Variants in LRP1B observed in about 807,000 individuals in gnomAD.
The protein encoded by LRP1B is LDL receptor related protein 1B.
Under a neutral mutation model 556.6 loss-of-function variants are expected in LRP1B, and 217 were observed. That is an observed-to-expected ratio of 0.39 (90% CI 0.35 to 0.44). The LOEUF is 0.44. Among genes scored for constraint, LRP1B ranks in the 20% least tolerant of loss-of-function variants. LRP1B has a pLI of 1.00. For synonymous variants in LRP1B, 2,047 were observed against 1,865.8 expected (o/e 1.10, Z -2.50); for missense variants, 5,053 against 5,620.8 (o/e 0.90, Z 3.23).
Position 140,238,103 on chromosome 2 carries a change from C to T in LRP1B, c.13560+49G>A, listed in dbSNP as rs753096780. 66 of 1,487,254 alleles carry T rather than the reference C, an allele frequency of 4.4e-5. 1 individual carries two copies. Among genetic ancestry groups the T allele is most frequent in the Middle Eastern group, 3.6e-4 (2 of 5,546 alleles). The allele number at this position is 1,487,254 out of a possible 1,614,324, so 92.1% of individuals were successfully genotyped here. On this transcript the variant is annotated intron_variant, in intron 89 of 90. Transcript: ENST00000389484. ...AATTCAGAACCATAAAACAGAGATG[C>T]GACTCAAGAATGTTAGTGCTCACTG...
intron 27 of LRP1B, among the ~76,000 whole-genome samples, chr2:140,852,201 C>A (rs887640365): frequency 1.3e-5 from 2 of 152,158 alleles, no homozygotes; most frequent in African/African-American, 4.8e-5. Flanking sequence ...GTGACACACA[C>A]CTCTAGTCCC....
chr2:141,254,724 T>G, intron 3 of LRP1B, 83 bp from the exon 4 acceptor site: 1 of 1,089,206 alleles, frequency 9.2e-7, no homozygotes, highest in Non-Finnish European at 1.3e-6. Context: ...ATCCTTACAC[T>G]ATAGTCTTGA....
intron 66 of LRP1B, among the ~76,000 whole-genome samples, chr2:140,392,945 T>C (rs1269457428): frequency 6.6e-6 from 1 of 151,672 alleles, no homozygotes; most frequent in African/African-American, 2.4e-5. Flanking sequence ...TTTTTTTTTT[T>C]CAGAGACAGT....
At chr2:140,243,140 T>G (rs986607217) in intron 87 of LRP1B, among the ~76,000 whole-genome samples, 13 of 151,104 alleles carry the variant, frequency 8.6e-5, no homozygotes, top group Middle Eastern at 6.8e-3. Context: ...GAGATCCCTG[T>G]GGAATATAGA....
At position 141,528,209 on chromosome 2, in the gene LRP1B, A is replaced by G. The variant is rs866339213; in HGVS notation, c.206-47676T>C. ...TTGGATATAAGCTGGAATTAAATGGATCTTGAGTGACAACCTATGGGGTTC... is the reference window on the plus strand; with the variant it reads ...TTGGATATAAGCTGGAATTAAATGGGTCTTGAGTGACAACCTATGGGGTTC... On this transcript the variant is annotated intron_variant, in intron 2 of 90. Coordinates refer to ENST00000389484, the MANE Select transcript of LRP1B (RefSeq NM_018557.3). Among the ~76,000 whole-genome samples the G allele has an allele frequency of 2.6e-5, 4 of 151,856 alleles. No individual in the cohort carries two copies. The South Asian group carries it at 8.3e-4, about 32-fold the overall frequency.
intron 2 of LRP1B, among the ~76,000 whole-genome samples, chr2:141,792,387 A>T (rs1695642993): frequency 6.6e-6 from 1 of 152,012 alleles, no homozygotes. Context: ...GAAAGTGCAG[A>T]TGTTTGGTGA....
chr2:141,745,517 A>G (rs560337133), intron 2 of LRP1B, among the ~76,000 whole-genome samples: 1 of 152,128 alleles, frequency 6.6e-6, no homozygotes, highest in East Asian at 1.9e-4. Context: ...CTTCAGGCCC[A>G]GGGCCTCTTT....
chr2:140,337,570 TAC>T (rs928095292), intron 77 of LRP1B, among the ~76,000 whole-genome samples: 9 of 151,886 alleles, frequency 5.9e-5, no homozygotes, highest in Non-Finnish European at 1.0e-4. Flanking sequence ...ATCATAAATC[TAC>T]AAACATGAAA....
intron 2 of LRP1B, among the ~76,000 whole-genome samples, chr2:141,789,148 C>T (rs963959086): frequency 2.6e-5 from 4 of 151,946 alleles, no homozygotes; most frequent in African/African-American, 4.8e-5. Context: ...ACAGTCCCAC[C>T]AACAGTGTAT....
At chr2:140,420,236 G>T (rs1036128562) in intron 66 of LRP1B, among the ~76,000 whole-genome samples, 1 of 151,566 alleles carries the variant, frequency 6.6e-6, no homozygotes, top group African/African-American at 2.4e-5. Context: ...TAAAAAAAAA[G>T]AATTTGAACA....
intron 41 of LRP1B, among the ~76,000 whole-genome samples, chr2:140,660,971 A>G (rs142653827): frequency 1.3e-5 from 2 of 151,862 alleles, no homozygotes; most frequent in African/African-American, 4.8e-5. Flanking sequence ...ATTAATAATC[A>G]TGTTCTCTCT....
At chr2:141,683,052 C>T (rs186593100) in intron 2 of LRP1B, among the ~76,000 whole-genome samples, 121 of 152,164 alleles carry the variant, frequency 8.0e-4, no homozygotes, top group African/African-American at 2.6e-3. Flanking sequence ...CTGAAAAGGA[C>T]GAGGTGAAAT....
intron 83 of LRP1B, among the ~76,000 whole-genome samples, chr2:140,302,310 T>C (rs1683868818): frequency 1.3e-5 from 2 of 152,188 alleles, no homozygotes; most frequent in African/African-American, 4.8e-5. Flanking sequence ...ATTTTACTCC[T>C]TGTATGTTTC....
At chr2:141,829,558 C>A (rs543738493) in intron 1 of LRP1B, among the ~76,000 whole-genome samples, 1 of 152,122 alleles carries the variant, frequency 6.6e-6, no homozygotes, top group South Asian at 2.1e-4. Flanking sequence ...GATGAAAAAT[C>A]TGGTGGATAA....
chr2:140,839,185 AGATT>A (rs1259456662), intron 31 of LRP1B, among the ~76,000 whole-genome samples: 10 of 152,234 alleles, frequency 6.6e-5, no homozygotes, highest in African/African-American at 1.4e-4. Flanking sequence ...TGAAAATAAG[AGATT>A]GATTAATTAA....
intron 49 of LRP1B, among the ~76,000 whole-genome samples, chr2:140,518,319 C>T (rs1233582709): frequency 1.3e-5 from 2 of 152,086 alleles, no homozygotes; most frequent in Non-Finnish European, 2.9e-5. Flanking sequence ...TGACCCATTG[C>T]TGGCTTCCTG....
intron 41 of LRP1B, 119 bp from the exon 42 acceptor site, chr2:140,601,758 A>T (rs1250979234): frequency 1.8e-6 from 1 of 558,362 alleles, no homozygotes; most frequent in Non-Finnish European, 2.8e-6. Context: ...ATTTCTCCAC[A>T]AAATCTCCAA....
At chr2:140,695,409 T>A (rs1202356253) in intron 41 of LRP1B, among the ~76,000 whole-genome samples, 3 of 152,106 alleles carry the variant, frequency 2.0e-5, no homozygotes, top group African/African-American at 7.2e-5. Flanking sequence ...TAACAGTAGA[T>A]GGCACAGCTT....
At chr2:141,065,884 A>G (rs1699468142) in intron 7 of LRP1B, among the ~76,000 whole-genome samples, 1 of 151,790 alleles carries the variant, frequency 6.6e-6, no homozygotes, top group South Asian at 2.1e-4. Flanking sequence ...TCCCTGGAAA[A>G]CTCATGGTAG....
Sources: gnomAD v4.1 joint callset for allele counts (sites outside exome capture counted in the v4.1 genomes callset) on GRCh38, gnomAD v4.1.1 for gene constraint, MANE v1.5 for transcripts, NCBI Gene and HGNC (gene_info 2026-07-23, HGNC 2026-07-21) for gene names.